Variants in GRM5 observed in about 807,000 individuals in gnomAD.
GRM5 encodes the protein metabotropic glutamate receptor 5.
In GRM5, 19 loss-of-function variants were observed where a neutral mutation model predicts 83.1. The observed-to-expected ratio is 0.23, with a 90% CI of 0.16 to 0.34. The LOEUF (loss-of-function observed/expected upper bound fraction) is 0.34. Ranked by LOEUF, GRM5 falls within the 10% of genes least tolerant of loss-of-function variation. GRM5 has a pLI of 1.00. For missense variants in GRM5, 1,160 were observed against 1,588.3 expected (o/e 0.73, Z 4.58); for synonymous variants, 675 against 633.6 (o/e 1.07, Z -0.98).
intron 1 of GRM5, among the ~76,000 whole-genome samples, chr11:89,058,980 A>C (rs1176349885): frequency 2.0e-5 from 3 of 152,016 alleles, no homozygotes; most frequent in African/African-American, 7.3e-5. Flanking sequence ...ATAATTCTAC[A>C]TTACTATGCA....
At chr11:88,926,937 T>C (rs987840462) in intron 2 of GRM5, among the ~76,000 whole-genome samples, 1 of 152,210 alleles carries the variant, frequency 6.6e-6, no homozygotes, top group Non-Finnish European at 1.5e-5. Context: ...ATATTTCAAC[T>C]ATTTAACTAA....
intron 2 of GRM5, among the ~76,000 whole-genome samples, chr11:89,045,071 C>T (rs953284442): frequency 6.6e-6 from 1 of 152,154 alleles, no homozygotes; most frequent in African/African-American, 2.4e-5. Context: ...CTTGACACAA[C>T]CACATAAACA....
intron 2 of GRM5, among the ~76,000 whole-genome samples, chr11:89,043,925 G>A (rs1941586547): frequency 6.6e-6 from 1 of 152,124 alleles, no homozygotes; most frequent in Non-Finnish European, 1.5e-5. Context: ...AAGTTCTCAC[G>A]TCAACCAAGT....
intron 8 of GRM5, among the ~76,000 whole-genome samples, chr11:88,557,751 CTT>C (rs566146634): frequency 9.5e-5 from 13 of 136,518 alleles, no homozygotes; most frequent in Admixed American, 1.5e-4. Flanking sequence ...CTTAATCATC[CTT>C]TTTTTTTTTT....
At chr11:88,712,886 C>T (rs1409834026) in intron 3 of GRM5, among the ~76,000 whole-genome samples, 2 of 151,934 alleles carry the variant, frequency 1.3e-5, no homozygotes, top group Non-Finnish European at 2.9e-5. Context: ...AGTTATTATT[C>T]TTCTGTTTAC....
chr11:88,825,174 G>T (rs1198007881), intron 3 of GRM5, among the ~76,000 whole-genome samples: 1 of 150,880 alleles, frequency 6.6e-6, no homozygotes, highest in African/African-American at 2.4e-5. Flanking sequence ...TTATGCTAAG[G>T]ATCATCTCAG....
At chr11:88,775,341 T>C (rs1457461104) in intron 3 of GRM5, among the ~76,000 whole-genome samples, 2 of 152,198 alleles carry the variant, frequency 1.3e-5, no homozygotes, top group Non-Finnish European at 2.9e-5. Flanking sequence ...TCTCCTTTAC[T>C]TGTCTTCCTA....
At chr11:88,695,926 A>T (rs758578802) in intron 3 of GRM5, among the ~76,000 whole-genome samples, 8 of 152,122 alleles carry the variant, frequency 5.3e-5, no homozygotes, top group Admixed American at 1.3e-4. Flanking sequence ...CATGTGTTAC[A>T]GTTTGCTCTT....
chr11:88,837,954 G>T (rs1422031290), intron 3 of GRM5, among the ~76,000 whole-genome samples: 1 of 151,432 alleles, frequency 6.6e-6, no homozygotes, highest in Non-Finnish European at 1.5e-5. Flanking sequence ...GCGTGGTGGC[G>T]GGTGCCTGTA....
At chr11:88,557,176 C>T (rs376066059) in intron 8 of GRM5, among the ~76,000 whole-genome samples, 2 of 152,030 alleles carry the variant, frequency 1.3e-5, no homozygotes, top group African/African-American at 4.8e-5. Context: ...GCTTCCGTTA[C>T]TAATTTTTCT....
chr11:88,971,329 C>T (rs2135004457), intron 2 of GRM5, among the ~76,000 whole-genome samples: 1 of 152,206 alleles, frequency 6.6e-6, no homozygotes, highest in African/African-American at 2.4e-5. Flanking sequence ...GCGGGTTTGA[C>T]ATATAGGTAA....
At chr11:89,008,685 A>C (rs1218220328) in intron 2 of GRM5, among the ~76,000 whole-genome samples, 1 of 152,128 alleles carries the variant, frequency 6.6e-6, no homozygotes, top group Non-Finnish European at 1.5e-5. Context: ...TGTGGGAGAA[A>C]ATAGTTTGGT....
chr11:88,810,810 T>G (rs1943576893), intron 3 of GRM5, among the ~76,000 whole-genome samples: 1 of 152,150 alleles, frequency 6.6e-6, no homozygotes, highest in Admixed American at 6.6e-5. Context: ...TTTAATCTAT[T>G]TATTGCCATC....
At chr11:88,526,032 T>C (rs770181243) in intron 8 of GRM5, among the ~76,000 whole-genome samples, 1 of 152,218 alleles carries the variant, frequency 6.6e-6, no homozygotes, top group Non-Finnish European at 1.5e-5. Flanking sequence ...CAAGCCCTCA[T>C]TGAGTGATAC....
At chr11:88,734,891 G>T (rs1229840561) in intron 3 of GRM5, among the ~76,000 whole-genome samples, 1 of 152,018 alleles carries the variant, frequency 6.6e-6, no homozygotes, top group Non-Finnish European at 1.5e-5. Flanking sequence ...TAACCAGATG[G>T]CTGTGCTAGC....
intron 3 of GRM5, among the ~76,000 whole-genome samples, chr11:88,816,912 T>C (rs1045202071): frequency 6.6e-6 from 1 of 152,176 alleles, no homozygotes; most frequent in East Asian, 1.9e-4. Flanking sequence ...AGTTCCTTCA[T>C]AATTAATTCT....
chr11:88,827,166 C>T (rs1943907129), intron 3 of GRM5, among the ~76,000 whole-genome samples: 1 of 152,114 alleles, frequency 6.6e-6, no homozygotes, highest in Admixed American at 6.6e-5. Flanking sequence ...ATGTAAATAA[C>T]TTCAAATGCA....
chr11:88,748,569 G>C (rs1942192659), intron 3 of GRM5, among the ~76,000 whole-genome samples: 1 of 152,130 alleles, frequency 6.6e-6, no homozygotes, highest in South Asian at 2.1e-4. Flanking sequence ...CCGCAATGCA[G>C]TGTACCTGCT....
intron 2 of GRM5, among the ~76,000 whole-genome samples, chr11:88,943,686 G>T (rs655683): frequency 0.28 from 41,868 of 151,878 alleles, 6,932 homozygotes; most frequent in Non-Finnish European, 0.36. Flanking sequence ...TAGTATAGGA[G>T]AAATAGCAAA....
Sources: gnomAD v4.1 joint callset for allele counts (sites outside exome capture counted in the v4.1 genomes callset) on GRCh38, gnomAD v4.1.1 for gene constraint, MANE v1.5 for transcripts, NCBI Gene and HGNC (gene_info 2026-07-23, HGNC 2026-07-21) for gene names.